Variants in SLC6A17 observed in about 807,000 individuals in gnomAD.
SLC6A17 encodes sodium-dependent neutral amino acid transporter SLC6A17.
A neutral mutation model predicts 64.5 loss-of-function variants in SLC6A17; 21 were observed. The ratio of observed to expected loss-of-function variants is 0.33; its 90% CI spans 0.23 to 0.47. SLC6A17 has a LOEUF of 0.47. Ranked by LOEUF, SLC6A17 falls within the 20% of genes least tolerant of loss-of-function variation. SLC6A17 has a pLI of 1.00. For missense variants in SLC6A17, 682 were observed against 963.2 expected (o/e 0.71, Z 3.86); for synonymous variants, 372 against 399.5 (o/e 0.93, Z 0.82).
chr1:110,169,178 A>G (rs1656150622), intron 2 of SLC6A17, among the ~76,000 whole-genome samples: 1 of 152,212 alleles, frequency 6.6e-6, no homozygotes, highest in South Asian at 2.1e-4. Flanking sequence ...CAAACTTTGC[A>G]TAGTTCTGGA....
At chr1:110,154,314 A>G (rs980717355) in intron 1 of SLC6A17, among the ~76,000 whole-genome samples, 3 of 152,236 alleles carry the variant, frequency 2.0e-5, no homozygotes, top group South Asian at 2.1e-4. Flanking sequence ...TTGGAACTCT[A>G]TCAGTCCAAA....
rs1394323934 is a variant in SLC6A17, at chr1:110,192,160, G to A, written c.1053G>A (p.Val351=). 1 of 1,614,190 alleles carries A rather than the reference G, an allele frequency of 6.2e-7. No homozygotes were observed. Among genetic ancestry groups the A allele is most frequent in the East Asian group, 2.2e-5 (1 of 44,874 alleles). Residue 351 remains valine, a synonymous_variant, in exon 7 of 12, where the codon GTG becomes GTA. Transcript: ENST00000331565. The surrounding 1 kb of genome is among the most constrained non-coding windows in gnomAD (Gnocchi z 4.3). ...CGTCAGTGTTGGCCACCCTCGTGGTGTTTGCTGTGCTGGGCTTCAAGGCCA... is the reference window on the plus strand; with the variant it reads ...CGTCAGTGTTGGCCACCCTCGTGGTATTTGCTGTGCTGGGCTTCAAGGCCA... The part of the protein sequence containing the change: ...FFTSVLATLV[V]FAVLGFKANI...
In SLC6A17 at chr1:110,167,127, G is replaced by A; in HGVS notation, c.198G>A (p.Lys66=). The A allele has an allele frequency of 6.2e-7, 1 of 1,613,614 alleles. No individual in the cohort carries two copies. The highest frequency in any genetic ancestry group is 2.2e-5 in the East Asian group (1 of 44,842). Residue 66 remains lysine (K), a synonymous_variant, in exon 2 of 12, where the codon AAG becomes AAA. Transcript: ENST00000331565. ...AGGACCGGCCGGCCTGGAACAGTAA[G>A]CTGCAGTACATCCTGGCCCAGATTG... is the stretch of plus-strand genomic sequence containing the variant. ...DAEDRPAWNS[K]LQYILAQIGF...
intron 3 of SLC6A17, among the ~76,000 whole-genome samples, chr1:110,173,633 C>A (rs565304818): frequency 1.5e-4 from 23 of 152,346 alleles, no homozygotes; most frequent in African/African-American, 5.3e-4. Context: ...TCTGTCATTA[C>A]AATCCCCAGT....
intron 1 of SLC6A17, among the ~76,000 whole-genome samples, chr1:110,151,809 A>T (rs1159233385): frequency 6.6e-6 from 1 of 151,536 alleles, no homozygotes; most frequent in Non-Finnish European, 1.5e-5. Context: ...TTTTTTTAAG[A>T]AATACTTTAA....
intron 2 of SLC6A17, among the ~76,000 whole-genome samples, chr1:110,171,329 TG>T: frequency 6.6e-6 from 1 of 152,338 alleles, no homozygotes; most frequent in East Asian, 1.9e-4. Context: ...TTAATTCTCC[TG>T]CTAAATGCCC....
intron 2 of SLC6A17, among the ~76,000 whole-genome samples, chr1:110,170,027 C>T (rs1435683959): frequency 1.3e-5 from 2 of 152,116 alleles, no homozygotes; most frequent in Non-Finnish European, 2.9e-5. Flanking sequence ...TCTTTGCTCT[C>T]CCACCCCTGT....
chr1:110,199,460 C>T lies in SLC6A17; in HGVS notation c.*1016C>T, dbSNP rs1333349127. ...GCAGCTTTTCCCCTGGAACAGGGGT[C>T]CCTGGAGTTCACAGGCTTATCCCCA... On this transcript the variant is annotated 3_prime_UTR_variant, in exon 12 of 12. Transcript: ENST00000331565. The T allele has an allele frequency of 1.3e-5, 2 of 152,668 alleles. No individual in the cohort carries two copies. Among genetic ancestry groups the T allele is most frequent in the East Asian group, 3.9e-4 (2 of 5,192 alleles). 9.5% of individuals were successfully genotyped at this position (152,668 alleles called of 1,614,324 possible).
In SLC6A17 at chr1:110,194,624, A is replaced by C; in HGVS notation, c.1345A>C (p.Met449Leu). ...GGCCTTCATCGCCTTCACTGAGGCCATGACGCACTTCCCCGCCTCCCCGTT... is the reference window on the plus strand; with the variant it reads ...GGCCTTCATCGCCTTCACTGAGGCCCTGACGCACTTCCCCGCCTCCCCGTT... ...GLAFIAFTEAMTHFPASPFWS... is the reference protein window; with the variant it reads ...GLAFIAFTEALTHFPASPFWS... The change falls in exon 9 of 12, where the codon ATG (methionine) becomes CTG (leucine). Residue 449 changes from methionine (M) to leucine (L), a missense_variant. Physicochemically the swap from Met to Leu is conservative, Grantham distance 15 (BLOSUM62 2). Transcript: ENST00000331565. 6.2e-7 allele frequency: 1 copy of C among 1,614,184 alleles called. No homozygotes were observed. Among genetic ancestry groups the C allele is most frequent in the Non-Finnish European group, 8.5e-7 (1 of 1,180,040 alleles).
chr1:110,173,912 G>T, intron 3 of SLC6A17, 61 bp from the exon 4 acceptor site: 58 of 1,528,638 alleles, frequency 3.8e-5, no homozygotes, highest in Admixed American at 2.5e-4. Flanking sequence ...CTCGGGTGGA[G>T]CGTGGGGGCA....
At chr1:110,191,654 T>C (rs1366412335) in intron 6 of SLC6A17, among the ~76,000 whole-genome samples, 1 of 152,234 alleles carries the variant, frequency 6.6e-6, no homozygotes, top group African/African-American at 2.4e-5. Context: ...CCATATGTGA[T>C]GGCCTTGACG....
At chr1:110,191,026 C>T (rs1277005600) in intron 6 of SLC6A17, among the ~76,000 whole-genome samples, 2 of 152,222 alleles carry the variant, frequency 1.3e-5, no homozygotes, top group Admixed American at 1.3e-4. Flanking sequence ...AGGTCAGCCT[C>T]ATTCTGTTGG....
Position 110,194,570 on chromosome 1 carries a change from C to A in SLC6A17, c.1300-9C>A. ...ACCTCACAGGCCCTGCTTTCCACCCCACCTTCAGTCCGTGCAGGGCACAGG... is the reference window on the plus strand; with the variant it reads ...ACCTCACAGGCCCTGCTTTCCACCCAACCTTCAGTCCGTGCAGGGCACAGG... On this transcript the variant is annotated splice_polypyrimidine_tract_variant and intron_variant, in intron 8 of 11. Coordinates refer to ENST00000331565, the MANE Select transcript of SLC6A17 (RefSeq NM_001010898.4). 6.2e-7 allele frequency: 1 copy of A among 1,610,880 alleles called. No individual in the cohort carries two copies. Among genetic ancestry groups the A allele is most frequent in the South Asian group, 1.1e-5 (1 of 91,034 alleles).
At chr1:110,155,825 T>C (rs1261470240) in intron 1 of SLC6A17, among the ~76,000 whole-genome samples, 3 of 152,256 alleles carry the variant, frequency 2.0e-5, no homozygotes, top group Non-Finnish European at 4.4e-5. Flanking sequence ...CCCAAAATTC[T>C]GCCAGTTACA....
At chr1:110,159,080 C>T (rs1050972642) in intron 1 of SLC6A17, among the ~76,000 whole-genome samples, 4 of 152,206 alleles carry the variant, frequency 2.6e-5, no homozygotes, top group African/African-American at 9.7e-5. Flanking sequence ...GATATAATTA[C>T]TGGCGGGATT....
chr1:110,181,008 G>C (rs538730374), intron 6 of SLC6A17, among the ~76,000 whole-genome samples: 7 of 152,158 alleles, frequency 4.6e-5, no homozygotes, highest in Non-Finnish European at 8.8e-5. Flanking sequence ...ACAGTTACCG[G>C]GTATGATGAA....
chr1:110,185,136 T>G (rs2100940485), intron 6 of SLC6A17, among the ~76,000 whole-genome samples: 1 of 152,282 alleles, frequency 6.6e-6, no homozygotes, highest in South Asian at 2.1e-4. Flanking sequence ...AGACTCTACC[T>G]CATCACTCAG....
chr1:110,163,019 A>AAG (rs1491133970), intron 1 of SLC6A17, among the ~76,000 whole-genome samples: 1 of 38,438 alleles, frequency 2.6e-5, no homozygotes, highest in African/African-American at 7.9e-5. Context: ...CCATGTTGGT[A>AAG]AAAAAAAAAA....
chr1:110,152,398 C>G (rs1393676934), intron 1 of SLC6A17, among the ~76,000 whole-genome samples: 1 of 152,198 alleles, frequency 6.6e-6, no homozygotes, highest in Non-Finnish European at 1.5e-5. Flanking sequence ...GTTTGTTTGG[C>G]CTGAGTCACA....
Sources: allele counts gnomAD v4.1 joint callset (sites outside exome capture counted in the v4.1 genomes callset), GRCh38; gene constraint gnomAD v4.1.1; non-coding constraint Gnocchi (gnomAD v3.1); transcripts MANE v1.5; gene names NCBI Gene and HGNC (gene_info 2026-07-23, HGNC 2026-07-21).